ZNF883: variants seen among roughly 807,000 people sequenced by gnomAD.
ZNF883 encodes the protein zinc finger protein 883.
At chr9:113,010,097 CTT>C (rs5900032) in intron 2 of ZNF883, among the ~76,000 whole-genome samples, 7 of 152,138 alleles carry the variant, frequency 4.6e-5, no homozygotes, top group African/African-American at 1.7e-4. Context: ...TAGGCAGAAA[CTT>C]TGTGTTATTC....
downstream of ZNF883, among the ~76,000 whole-genome samples, chr9:112,992,328 C>A (rs1828310903): frequency 6.6e-6 from 1 of 152,144 alleles, no homozygotes; most frequent in African/African-American, 2.4e-5. Flanking sequence ...TTTTATTTCT[C>A]CTTTGCTTAC....
At chr9:112,992,920 G>A (rs1316178305), downstream of ZNF883, among the ~76,000 whole-genome samples, 1 of 152,138 alleles carries the variant, frequency 6.6e-6, no homozygotes, top group Non-Finnish European at 1.5e-5. Context: ...CGCTCCATCA[G>A]GTCATTTATG....
upstream of ZNF883, chr9:112,998,290 ATTTT>A (rs778635882): frequency 1.4e-6 from 2 of 1,438,562 alleles, no homozygotes; most frequent in South Asian, 3.5e-5. Flanking sequence ...ACATTTATTT[ATTTT>A]TTCATTTTTG....
chr9:112,998,042 T>C (rs1828382606), exon 1 of ZNF883: 4 of 1,613,822 alleles, frequency 2.5e-6, no homozygotes, highest in Non-Finnish European at 2.5e-6. Context: ...TTTCCCACAT[T>C]CATTACATTC....
rs150169903 is a variant in ZNF883, at chr9:112,991,747, T to C, written n.309+6956A>G. ...TTTGTCGGTCTCTAAGAACTTGTTT[T>C]ATGAGTCTGGGTGCTCCGGTATTGG... On this transcript the variant is annotated intron_variant and non_coding_transcript_variant, in intron 1 of 9. Transcript: ENST00000638823. 1.9e-3 allele frequency among the ~76,000 whole-genome samples: 289 copies of C among 152,338 alleles called. 3 individuals carry two copies. Among genetic ancestry groups the C allele is most frequent in the African/African-American group, 6.7e-3 (278 of 41,572 alleles).
intron 2 of ZNF883, among the ~76,000 whole-genome samples, chr9:113,009,006 C>T (rs1250157168): frequency 6.6e-6 from 1 of 151,928 alleles, no homozygotes; most frequent in South Asian, 2.1e-4. Context: ...AAAAGTCAGA[C>T]AATGAAGGAA....
downstream of ZNF883, among the ~76,000 whole-genome samples, chr9:112,995,183 T>G (rs570024498): frequency 2.0e-5 from 3 of 152,162 alleles, no homozygotes; most frequent in Admixed American, 2.0e-4. Context: ...ATCCAATCCA[T>G]TGTAGGCCCA....
At chr9:113,005,446 C>T (rs1412505393) in intron 2 of ZNF883, among the ~76,000 whole-genome samples, 2 of 152,162 alleles carry the variant, frequency 1.3e-5, no homozygotes, top group East Asian at 3.9e-4. Flanking sequence ...CCCAGAAATA[C>T]AAATTAAGAT....
At chr9:112,991,809 G>A (rs1044763951) in intron 1 of ZNF883, among the ~76,000 whole-genome samples, 12 of 152,156 alleles carry the variant, frequency 7.9e-5, no homozygotes, top group Non-Finnish European at 1.5e-4. Context: ...TCTTCTTGTT[G>A]AATTGAATCC....
At chr9:112,996,561 G>A (rs1828355990), downstream of ZNF883, among the ~76,000 whole-genome samples, 1 of 151,446 alleles carries the variant, frequency 6.6e-6, no homozygotes, top group South Asian at 2.1e-4. Flanking sequence ...GGAGGCCGAG[G>A]CGGGCAGATC....
chr9:112,990,349 T>C (rs936737678), intron 1 of ZNF883, among the ~76,000 whole-genome samples: 1 of 152,216 alleles, frequency 6.6e-6, no homozygotes, highest in Non-Finnish European at 1.5e-5. Flanking sequence ...ATCAAAGTCC[T>C]TTTCTGCATC....
chr9:112,991,721 CTT>C (rs1156477084), intron 1 of ZNF883, among the ~76,000 whole-genome samples: 2 of 152,130 alleles, frequency 1.3e-5, no homozygotes, highest in Non-Finnish European at 2.9e-5. Flanking sequence ...ATCTAAGTCT[CTT>C]TGTCGGTCTC....
downstream of ZNF883, among the ~76,000 whole-genome samples, chr9:112,993,954 C>CT (rs2118601939): frequency 6.6e-6 from 1 of 152,158 alleles, no homozygotes; most frequent in East Asian, 1.9e-4. Context: ...GCCACTCCTC[C>CT]TACCGGGAAC....
intron 1 of ZNF883, among the ~76,000 whole-genome samples, chr9:112,990,543 G>A (rs1242333014): frequency 5.9e-5 from 9 of 151,992 alleles, no homozygotes; most frequent in African/African-American, 1.5e-4. Flanking sequence ...TTTTTGCATC[G>A]ATGTTCATCA....
At chr9:112,998,121 C>T (rs753351100) in exon 1 of ZNF883, 45 of 1,613,656 alleles carry the variant, frequency 2.8e-5, no homozygotes, top group Non-Finnish European at 3.7e-5. Context: ...AAGGACTTAC[C>T]ACATATTTTA....
chr9:113,002,772 T>A (rs1037265791), upstream of ZNF883, among the ~76,000 whole-genome samples: 13 of 152,166 alleles, frequency 8.5e-5, no homozygotes, highest in Admixed American at 5.2e-4. Context: ...TGCGATAATA[T>A]TAAGAGGTGG....
exon 1 of ZNF883, chr9:112,997,458 TACAA>T (rs1170014141): frequency 6.2e-7 from 1 of 1,614,154 alleles, no homozygotes; most frequent in Middle Eastern, 1.6e-4. Flanking sequence ...CCACATTCTT[TACAA>T]ACATAGGGCT....
chr9:113,000,144 T>C (rs958961979), upstream of ZNF883, among the ~76,000 whole-genome samples: 15 of 152,168 alleles, frequency 9.9e-5, no homozygotes, highest in East Asian at 2.9e-3. Context: ...GATATCACAA[T>C]AGTTGTGATA....
exon 1 of ZNF883, chr9:112,997,775 A>C (rs769621694): frequency 6.2e-7 from 1 of 1,613,792 alleles, no homozygotes. Context: ...GCTGCGGCTG[A>C]AGGTTTTTCC....
Sources: gnomAD v4.1 joint callset for allele counts (sites outside exome capture counted in the v4.1 genomes callset) on GRCh38, gnomAD v4.1.1 for gene constraint, MANE v1.5 for transcripts, NCBI Gene and HGNC (gene_info 2026-07-23, HGNC 2026-07-21) for gene names.